TSNARE1: variants seen among roughly 807,000 people sequenced by gnomAD.
The protein encoded by TSNARE1 is t-SNARE domain containing 1.
A neutral mutation model predicts 62.0 loss-of-function variants in TSNARE1; 49 were observed. The observed-to-expected ratio is 0.79, with a 90% CI of 0.63 to 1.00. The LOEUF (loss-of-function observed/expected upper bound fraction) is 1.00, where lower values mean the gene tolerates loss of function less well. TSNARE1 is among the 50% of genes least tolerant of loss of function. The probability of loss-of-function intolerance (pLI) is 0.00; values close to 1 mark genes in which losing one functional copy is unlikely to be tolerated. For missense variants in TSNARE1, 755 were observed against 700.1 expected, an observed-to-expected ratio of 1.08 and a Z score of -0.88; for synonymous variants, 328 against 294.4, an observed-to-expected ratio of 1.11 and a Z score of -1.17.
intron 12 of TSNARE1, chr8:142,273,192 TCAC>T (rs751095735): frequency 1.0e-5 from 10 of 981,124 alleles, no homozygotes; most frequent in East Asian, 1.1e-4. Context: ...TCCTCCTCCT[TCAC>T]CTCCTCCTCT....
At chr8:142,380,279 C>CAG (rs1271223660) in intron 1 of TSNARE1, among the ~76,000 whole-genome samples, 1 of 152,204 alleles carries the variant, frequency 6.6e-6, no homozygotes, top group East Asian at 1.9e-4. Flanking sequence ...CAGATGGATG[C>CAG]AGAGCCCGGG....
intron 9 of TSNARE1, among the ~76,000 whole-genome samples, chr8:142,301,459 C>A (rs1320405527): frequency 8.6e-6 from 1 of 116,064 alleles, no homozygotes; most frequent in Non-Finnish European, 1.7e-5. Context: ...CTTCCCCTCC[C>A]GTCAGGAGCC....
At chr8:142,294,601 C>T (rs1213165631) in intron 10 of TSNARE1, among the ~76,000 whole-genome samples, 1 of 152,168 alleles carries the variant, frequency 6.6e-6, no homozygotes, top group African/African-American at 2.4e-5. Flanking sequence ...AGGCAGCTGT[C>T]CTGGAAGCCA....
chr8:142,344,804 T>C (rs1202952283), intron 3 of TSNARE1, among the ~76,000 whole-genome samples: 1 of 152,216 alleles, frequency 6.6e-6, no homozygotes, highest in Non-Finnish European at 1.5e-5. Context: ...CTGGACCCTC[T>C]CCAGGGTTTC....
intron 13 of TSNARE1, among the ~76,000 whole-genome samples, chr8:142,217,351 GA>G (rs1563750368): frequency 6.6e-4 from 75 of 114,350 alleles, no homozygotes; most frequent in Admixed American, 3.4e-3. Context: ...AAGAAAGAAA[GA>G]AAGAAAGAAA....
intron 12 of TSNARE1, chr8:142,270,933 C>A (rs1819471543): frequency 7.1e-6 from 7 of 985,392 alleles, no homozygotes; most frequent in Non-Finnish European, 6.0e-6. Context: ...GGTAGACAGC[C>A]CACATCCTCT....
intron 2 of TSNARE1, among the ~76,000 whole-genome samples, chr8:142,347,749 TCGC>T: frequency 1.9e-5 from 1 of 53,990 alleles, no homozygotes; most frequent in Non-Finnish European, 3.6e-5. Flanking sequence ...CGCCATCACC[TCGC>T]CACACTGCAT....
intron 13 of TSNARE1, among the ~76,000 whole-genome samples, chr8:142,223,307 C>T (rs187844793): frequency 0.17 from 15,728 of 93,618 alleles, 3,280 homozygotes; most frequent in Non-Finnish European, 0.25. Context: ...ACCACTCACT[C>T]ATTCACTCAC....
intron 13 of TSNARE1, among the ~76,000 whole-genome samples, chr8:142,221,984 CTCAT>C (rs1586758774): frequency 2.3e-3 from 188 of 81,882 alleles, no homozygotes; most frequent in Admixed American, 2.9e-3. Flanking sequence ...CACTCACTCA[CTCAT>C]TCACTCACTC....
chr8:142,269,370 G>C, intron 12 of TSNARE1: 1 of 929,354 alleles, frequency 1.1e-6, no homozygotes, highest in Non-Finnish European at 1.3e-6. Context: ...ACAGTGTGGG[G>C]TGAAGGTTGG....
intron 1 of TSNARE1, among the ~76,000 whole-genome samples, chr8:142,356,068 T>C (rs557326248): frequency 5.3e-5 from 8 of 152,334 alleles, no homozygotes; most frequent in African/African-American, 1.9e-4. Flanking sequence ...AAGCTCTTAC[T>C]GTGAACACAG....
At chr8:142,282,923 G>A (rs1184129434) in intron 11 of TSNARE1, among the ~76,000 whole-genome samples, 52 of 126,974 alleles carry the variant, frequency 4.1e-4, no homozygotes, top group Admixed American at 7.5e-4. Context: ...GTCAATGAGC[G>A]GAGGTGGGGC....
chr8:142,343,329 G>T (rs1832846879), intron 4 of TSNARE1, among the ~76,000 whole-genome samples: 1 of 152,142 alleles, frequency 6.6e-6, no homozygotes, highest in Non-Finnish European at 1.5e-5. Context: ...AACCAGTTTA[G>T]TAAGTTGCAA....
rs540362270 is a variant in TSNARE1 at position 142,330,974 on chromosome 8, C to G, written c.824-4G>C. 6.2e-7 allele frequency: 1 copy of G among 1,613,726 alleles called. No homozygotes were observed. The highest frequency in any genetic ancestry group is 1.3e-5 in the African/African-American group (1 of 74,942). ...AGGCTCCGCTCCAAGGAGGTCACTG[C>G]CCGAGAGAAGAGGGACAGGGTGAGG... On this transcript the variant is annotated splice_polypyrimidine_tract_variant and splice_region_variant and intron_variant, in intron 5 of 13. Coordinates refer to ENST00000524325, the MANE Select transcript of TSNARE1 (RefSeq NM_145003.5).
At chr8:142,342,621 G>A (rs147423222) in intron 4 of TSNARE1, among the ~76,000 whole-genome samples, 2 of 152,336 alleles carry the variant, frequency 1.3e-5, no homozygotes, top group African/African-American at 2.4e-5. Flanking sequence ...CCTATAGCAC[G>A]GCCTCGTTCA....
At chr8:142,379,285 G>C (rs1836560897) in intron 1 of TSNARE1, among the ~76,000 whole-genome samples, 1 of 152,192 alleles carries the variant, frequency 6.6e-6, no homozygotes, top group Admixed American at 6.5e-5. Context: ...AAGCCTCCAG[G>C]GGCTGCCTCT....
Position 142,253,385 on chromosome 8 carries a change from C to T in TSNARE1, c.1446+21396G>A, listed in dbSNP as rs144733465. Among the ~76,000 whole-genome samples, 919 of 152,338 alleles carry T rather than the reference C, an allele frequency of 6.0e-3. 9 individuals are homozygous for T. Among genetic ancestry groups the T allele is most frequent in the Non-Finnish European group, 0.01 (710 of 68,020 alleles). On this transcript the variant is annotated intron_variant, in intron 12 of 13. Coordinates refer to ENST00000524325, the MANE Select transcript of TSNARE1 (RefSeq NM_145003.5). ...ACAGACAAGGTTCCGGGCATGAGGCCTTCCTGATTGCCACCCTGAGGGTGC... is the reference window on the plus strand; with the variant it reads ...ACAGACAAGGTTCCGGGCATGAGGCTTTCCTGATTGCCACCCTGAGGGTGC...
At chr8:142,299,750 A>T (rs1342706655) in intron 10 of TSNARE1, among the ~76,000 whole-genome samples, 1 of 151,572 alleles carries the variant, frequency 6.6e-6, no homozygotes, top group Non-Finnish European at 1.5e-5. Context: ...GCACACACAC[A>T]TGCATACGTG....
chr8:142,318,504 T>C (rs1799506857), intron 7 of TSNARE1, 40 bp downstream of exon 7: 3 of 1,586,762 alleles, frequency 1.9e-6, no homozygotes, highest in South Asian at 1.1e-5. Flanking sequence ...GAGGGGTCCA[T>C]TCCTCTCCTC....
Sources: allele counts gnomAD v4.1 joint callset (sites outside exome capture counted in the v4.1 genomes callset), GRCh38; gene constraint gnomAD v4.1.1; transcripts MANE v1.5; gene names NCBI Gene and HGNC (gene_info 2026-07-23, HGNC 2026-07-21).